Variants in AGBL4 observed in about 807,000 individuals in gnomAD.
AGBL4 encodes cytosolic carboxypeptidase 6.
In AGBL4, 58 loss-of-function variants were observed where a neutral mutation model predicts 66.4. The ratio of observed to expected loss-of-function variants is 0.87; its 90% CI spans 0.71 to 1.09. The LOEUF is 1.09. Among genes scored for constraint, AGBL4 ranks in the 50% least tolerant of loss-of-function variants. The probability of loss-of-function intolerance (pLI) is 0.00; values close to 1 mark genes in which losing one functional copy is unlikely to be tolerated. For synonymous variants in AGBL4, 234 were observed against 222.9 expected (o/e 1.05, Z -0.44); for missense variants, 579 against 631.0 (o/e 0.92, Z 0.88).
chr1:48,858,464 G>C (rs542321236), intron 6 of AGBL4, among the ~76,000 whole-genome samples: 5 of 152,232 alleles, frequency 3.3e-5, no homozygotes, highest in African/African-American at 1.2e-4. Context: ...AATAAATTGT[G>C]GTGTATCTAA....
intron 6 of AGBL4, among the ~76,000 whole-genome samples, chr1:48,823,516 G>A (rs934688873): frequency 3.3e-5 from 5 of 152,202 alleles, no homozygotes; most frequent in Non-Finnish European, 5.9e-5. Flanking sequence ...TGTTTAGAAT[G>A]TACTTCACCT....
downstream of AGBL4, among the ~76,000 whole-genome samples, chr1:48,531,097 C>T (rs1643903474): frequency 6.6e-6 from 1 of 152,172 alleles, no homozygotes; most frequent in South Asian, 2.1e-4. Flanking sequence ...CTGCTGACAA[C>T]CCCTGGGCTC....
chr1:49,010,966 A>G (rs1662353350), intron 5 of AGBL4, among the ~76,000 whole-genome samples: 1 of 152,246 alleles, frequency 6.6e-6, no homozygotes. Flanking sequence ...GGACATAGGC[A>G]TGGGCAAGGA....
rs562908718 is a variant in AGBL4 at position 49,317,586 on chromosome 1, A to G, written c.283-71722T>C. Among the ~76,000 whole-genome samples the G allele has an allele frequency of 2.7e-3, 407 of 152,000 alleles. 2 individuals are homozygous for G. Among genetic ancestry groups the G allele is most frequent in the Admixed American group, 4.6e-3 (70 of 15,236 alleles). On this transcript the variant is annotated intron_variant, in intron 3 of 13. Transcript: ENST00000371839. ...GGCTTAGAGATCCCCATAATTATAC[A>G]ATGAAACAATCACTAGAGCCTTTCT...
chr1:48,742,567 CT>C, intron 6 of AGBL4: 2 of 1,436,934 alleles, frequency 1.4e-6, no homozygotes, highest in Non-Finnish European at 1.8e-6. Context: ...TACTCTCCAC[CT>C]TTACTCTGAC....
chr1:49,258,951 G>A (rs57465947), intron 3 of AGBL4, among the ~76,000 whole-genome samples: 167 of 152,218 alleles, frequency 1.1e-3, no homozygotes, highest in African/African-American at 3.7e-3. Flanking sequence ...GACTAAGAGC[G>A]GATCTCTCAG....
chr1:49,828,374 G>T (rs1645565789), intron 2 of AGBL4, among the ~76,000 whole-genome samples: 2 of 152,164 alleles, frequency 1.3e-5, no homozygotes, highest in Non-Finnish European at 2.9e-5. Context: ...ATCACAGAAG[G>T]CCTCTCTGAG....
intron 4 of AGBL4, among the ~76,000 whole-genome samples, chr1:49,055,018 T>G (rs1644285018): frequency 6.6e-6 from 1 of 151,968 alleles, no homozygotes; most frequent in Non-Finnish European, 1.5e-5. Flanking sequence ...ACAGTTGTCT[T>G]TACAAAAGCA....
intron 4 of AGBL4, among the ~76,000 whole-genome samples, chr1:49,206,447 G>C (rs146591652): frequency 1.3e-5 from 2 of 152,002 alleles, no homozygotes; most frequent in Non-Finnish European, 2.9e-5. Flanking sequence ...TTCCTCCATT[G>C]CCTACTTTTC....
At chr1:49,802,903 C>G (rs1644896795) in intron 2 of AGBL4, among the ~76,000 whole-genome samples, 1 of 152,178 alleles carries the variant, frequency 6.6e-6, no homozygotes. Flanking sequence ...ATCCAATAGT[C>G]ATTGCCCTAG....
At chr1:49,907,382 T>C (rs1288153487) in intron 1 of AGBL4, among the ~76,000 whole-genome samples, 1 of 152,088 alleles carries the variant, frequency 6.6e-6, no homozygotes, top group Non-Finnish European at 1.5e-5. Flanking sequence ...GGAAAATGAG[T>C]GCAGGTTTTC....
chr1:48,573,206 C>G (rs1292833584), intron 11 of AGBL4, among the ~76,000 whole-genome samples: 3 of 152,196 alleles, frequency 2.0e-5, no homozygotes, highest in African/African-American at 7.2e-5. Flanking sequence ...TCTTTGAGTC[C>G]AGGGTGAAAC....
chr1:49,854,537 T>C (rs1646386722), intron 1 of AGBL4, among the ~76,000 whole-genome samples: 1 of 152,080 alleles, frequency 6.6e-6, no homozygotes, highest in East Asian at 1.9e-4. Context: ...CTCACCCCCC[T>C]GAAGCCTAAG....
intron 3 of AGBL4, among the ~76,000 whole-genome samples, chr1:49,329,021 AAGTGGCCAGGCTC>A (rs1645277691): frequency 6.6e-6 from 1 of 152,122 alleles, no homozygotes; most frequent in Non-Finnish European, 1.5e-5. Flanking sequence ...ATACCTCTCT[AAGTGGCCAGGCTC>A]AGTGGCTCAC....
chr1:49,452,767 T>G (rs1490161175), intron 3 of AGBL4, among the ~76,000 whole-genome samples: 1 of 151,780 alleles, frequency 6.6e-6, no homozygotes, highest in African/African-American at 2.4e-5. Flanking sequence ...AAAGATTAGT[T>G]CCCAGAAAAA....
At chr1:49,807,874 G>A (rs1212510830) in intron 2 of AGBL4, among the ~76,000 whole-genome samples, 3 of 152,214 alleles carry the variant, frequency 2.0e-5, no homozygotes, top group Non-Finnish European at 4.4e-5. Context: ...AAGCCCCAGA[G>A]AGCTGCCTTG....
At chr1:48,655,883 AGAAT>A (rs1215535283) in intron 7 of AGBL4, among the ~76,000 whole-genome samples, 1 of 152,246 alleles carries the variant, frequency 6.6e-6, no homozygotes, top group Non-Finnish European at 1.5e-5. Flanking sequence ...ATTAGGAGAA[AGAAT>A]TAAATAATTC....
rs1364661184 is a variant in AGBL4 at position 49,706,442 on chromosome 1, CTTCT to C, written c.158-9009_158-9006del. Among the ~76,000 whole-genome samples the C allele has an allele frequency of 3.9e-5, 6 of 151,938 alleles. No homozygotes were observed. The East Asian group carries it at 1.2e-3, about 29-fold the overall frequency. ...TGTTTTTTGTATTCTTCTCTCTTTTCTTCTTTATTAGTCTGGCCAGCGGTCTATC... is the reference window on the plus strand; with the variant it reads ...TGTTTTTTGTATTCTTCTCTCTTTTCTTATTAGTCTGGCCAGCGGTCTATC... On this transcript the variant is annotated intron_variant, in intron 2 of 13. Coordinates refer to ENST00000371839, the MANE Select transcript of AGBL4 (RefSeq NM_032785.4).
intron 2 of AGBL4, among the ~76,000 whole-genome samples, chr1:49,829,787 G>A (rs1275794366): frequency 6.6e-6 from 1 of 151,996 alleles, no homozygotes; most frequent in African/African-American, 2.4e-5. Context: ...CCCCTCAACA[G>A]GCCCTGGTGT....
Sources: gnomAD v4.1 joint callset for allele counts (sites outside exome capture counted in the v4.1 genomes callset) on GRCh38, gnomAD v4.1.1 for gene constraint, MANE v1.5 for transcripts, NCBI Gene and HGNC (gene_info 2026-07-23, HGNC 2026-07-21) for gene names.